TLN2: variants seen among roughly 807,000 people sequenced by gnomAD.
TLN2 encodes the protein talin-2.
In TLN2, 118 loss-of-function variants were observed where a neutral mutation model predicts 294.7. That is an observed-to-expected ratio of 0.40 (90% CI 0.34 to 0.47). The LOEUF (loss-of-function observed/expected upper bound fraction) is 0.47, where lower values mean the gene tolerates loss of function less well. Ranked by LOEUF, TLN2 falls within the 20% of genes least tolerant of loss-of-function variation. The pLI is 0.84. For missense variants in TLN2, 3,083 were observed against 3,282.2 expected, an observed-to-expected ratio of 0.94 and a Z score of 1.48; for synonymous variants, 1,431 against 1,304.5, an observed-to-expected ratio of 1.10 and a Z score of -2.09.
At chr15:62,545,899 G>A (rs530049106) in intron 1 of TLN2, among the ~76,000 whole-genome samples, 2 of 152,298 alleles carry the variant, frequency 1.3e-5, no homozygotes, top group South Asian at 4.2e-4. Context: ...CACCATGCTT[G>A]GGAGAGAGTG....
chr15:62,713,263 C>A (rs2059537100), intron 22 of TLN2, among the ~76,000 whole-genome samples: 1 of 106,824 alleles, frequency 9.4e-6, no homozygotes, highest in African/African-American at 3.3e-5. Flanking sequence ...AAGAGCAAAC[C>A]TGCGTCTCAA....
At chr15:62,643,259 G>C (rs1432496394) in intron 3 of TLN2, among the ~76,000 whole-genome samples, 2 of 151,940 alleles carry the variant, frequency 1.3e-5, no homozygotes, top group Non-Finnish European at 1.5e-5. Flanking sequence ...AGACATTCCT[G>C]GGAAGTCAGT....
At position 62,491,347 on chromosome 15, in the gene TLN2, TATATACACACACACACACAC is replaced by T. The variant is rs1480568001; in HGVS notation, c.-237-98338_-237-98319del. Among the ~76,000 whole-genome samples, 359 of 82,308 alleles carry T rather than the reference TATATACACACACACACACAC, an allele frequency of 4.4e-3. 3 individuals carry two copies. Among genetic ancestry groups the T allele is most frequent in the African/African-American group, 0.018 (346 of 19,468 alleles). The allele number at this position is 82,308 out of a possible 152,430, so 54.0% of individuals were successfully genotyped here. On this transcript the variant is annotated intron_variant, in intron 1 of 58. Transcript: ENST00000636159. ...GTCTCAAAAAAAAAAAATATATATA[TATATACACACACACACACAC>T]ACACACACACACACACACACACACA...
chr15:62,539,700 C>T (rs566608606), intron 1 of TLN2, among the ~76,000 whole-genome samples: 2 of 152,126 alleles, frequency 1.3e-5, no homozygotes, highest in East Asian at 1.9e-4. Flanking sequence ...GTGAACCACT[C>T]GGACATTGAG....
chr15:62,808,851 G>C (rs1378890240), intron 51 of TLN2, among the ~76,000 whole-genome samples: 1 of 152,226 alleles, frequency 6.6e-6, no homozygotes. Context: ...TGACATGCTG[G>C]CCATGAGAAT....
Position 62,784,253 on chromosome 15 carries a change from A to T in TLN2, c.5736+363A>T, listed in dbSNP as rs186892762. 124 of 373,352 alleles carry T rather than the reference A, an allele frequency of 3.3e-4. 1 individual carries two copies. Among genetic ancestry groups the T allele is most frequent in the African/African-American group, 2.0e-3 (98 of 48,446 alleles). The allele number at this position is 373,352 out of a possible 1,614,324, so 23.1% of individuals were successfully genotyped here. ...CTACTCCAGTTAGCACATCCCCCGC[A>T]ATTATTTTTGTTTTCCATAGGTTCA... is the stretch of plus-strand genomic sequence containing the variant. On this transcript the variant is annotated intron_variant, in intron 45 of 58. Coordinates refer to ENST00000636159, the MANE Select transcript of TLN2 (RefSeq NM_015059.3).
At chr15:62,508,726 T>C (rs913145732) in intron 1 of TLN2, among the ~76,000 whole-genome samples, 2 of 152,224 alleles carry the variant, frequency 1.3e-5, no homozygotes, top group African/African-American at 4.8e-5. Context: ...CTGGAAAATA[T>C]GGGCCAAACT....
At chr15:62,618,973 T>A (rs974740304) in intron 3 of TLN2, among the ~76,000 whole-genome samples, 1 of 152,236 alleles carries the variant, frequency 6.6e-6, no homozygotes, top group East Asian at 1.9e-4. Flanking sequence ...GCCTTTCATT[T>A]TTGCAGAATA....
chr15:62,582,521 C>A (rs1321281364), intron 1 of TLN2, among the ~76,000 whole-genome samples: 1 of 152,154 alleles, frequency 6.6e-6, no homozygotes, highest in African/African-American at 2.4e-5. Context: ...TCAATGAAGT[C>A]TCCTTGGAGC....
intron 32 of TLN2, 68 bp from the exon 33 acceptor site, chr15:62,748,283 G>A (rs2061725703): frequency 5.0e-6 from 6 of 1,192,886 alleles, no homozygotes; most frequent in Non-Finnish European, 7.3e-6. Context: ...TGGTGAGCCT[G>A]CAAAGCATTG....
chr15:62,742,024 G>GTGTGTGTGT lies in TLN2; in HGVS notation c.4025+1255_4025+1256insTGTGTGTGT, dbSNP rs1491242073. ...CTTCCTCCCTCTTGGCTTGTAGTGG[G>GTGTGTGTGT]GTGTGTGTGTGTGTGTGTGTGTGTG... On this transcript the variant is annotated intron_variant, in intron 32 of 58. Transcript: ENST00000636159. Among the ~76,000 whole-genome samples the GTGTGTGTGT allele has an allele frequency of 6.7e-3, 550 of 82,260 alleles. 31 individuals are homozygous for GTGTGTGTGT. The highest frequency in any genetic ancestry group is 9.6e-3 in the Non-Finnish European group (370 of 38,424). The allele number at this position is 82,260 out of a possible 152,430, so 54.0% of individuals were successfully genotyped here. A position where few individuals can be genotyped will look rare whatever the true frequency, so the allele number is the denominator to read the frequency against.
At chr15:62,596,925 CG>C (rs2046579107) in intron 2 of TLN2, among the ~76,000 whole-genome samples, 2 of 152,042 alleles carry the variant, frequency 1.3e-5, no homozygotes, top group Admixed American at 1.3e-4. Context: ...GCTTCTTTTA[CG>C]GGGGCTTCCA....
chr15:62,782,522 A>G (rs2064267081), intron 44 of TLN2, among the ~76,000 whole-genome samples: 1 of 152,214 alleles, frequency 6.6e-6, no homozygotes, highest in Non-Finnish European at 1.5e-5. Flanking sequence ...CTGGGTGTCC[A>G]TGAGCTTAAG....
At chr15:62,782,889 G>A (rs1308175966) in intron 44 of TLN2, among the ~76,000 whole-genome samples, 2 of 152,254 alleles carry the variant, frequency 1.3e-5, no homozygotes, top group African/African-American at 4.8e-5. Flanking sequence ...CAGAGCAAGA[G>A]GAGGTGGAGC....
chr15:62,739,580 A>G, intron 31 of TLN2, 35 bp downstream of exon 31: 1 of 1,610,736 alleles, frequency 6.2e-7, no homozygotes, highest in Non-Finnish European at 8.5e-7. Flanking sequence ...AGTTGACCTT[A>G]GCCTCTCCTC....
chr15:62,724,857 T>G, intron 26 of TLN2, 119 bp from the exon 27 acceptor site: 1 of 1,297,806 alleles, frequency 7.7e-7, no homozygotes, highest in Non-Finnish European at 1.0e-6. Context: ...TCCTTGCTCC[T>G]CCTGCTGGAT....
intron 27 of TLN2, 103 bp downstream of exon 27, chr15:62,725,207 G>A: frequency 6.8e-7 from 1 of 1,466,174 alleles, no homozygotes; most frequent in Non-Finnish European, 9.0e-7. Context: ...ATGTTGAGAA[G>A]CTTCTAATCC....
rs75937533 is a variant in TLN2 at position 62,699,840 on chromosome 15, T to A, written c.1587+973T>A. Among the ~76,000 whole-genome samples the A allele has an allele frequency of 4.3e-3, 662 of 152,300 alleles. 9 individuals carry two copies. Among genetic ancestry groups the A allele is most frequent in the African/African-American group, 0.014 (571 of 41,572 alleles). On this transcript the variant is annotated intron_variant, in intron 16 of 58. Coordinates refer to ENST00000636159, the MANE Select transcript of TLN2 (RefSeq NM_015059.3). ...GCACCAGTTCTGACCAAATAAATCG[T>A]TGTTGCTGTGGGTGGAGCCTGAGAA...
chr15:62,653,118 G>T, intron 6 of TLN2, 44 bp from the exon 7 acceptor site: 1 of 1,461,434 alleles, frequency 6.8e-7, no homozygotes, highest in Non-Finnish European at 9.2e-7. Context: ...GAGGTTGACA[G>T]CAGTTTAATT....
Sources: gnomAD v4.1 joint callset for allele counts (sites outside exome capture counted in the v4.1 genomes callset) on GRCh38, gnomAD v4.1.1 for gene constraint, MANE v1.5 for transcripts, NCBI Gene and HGNC (gene_info 2026-07-23, HGNC 2026-07-21) for gene names.